The following TTC23 variants were observed in gnomAD, a reference collection of about 807,000 sequenced individuals.
TTC23 encodes the protein tetratricopeptide repeat domain 23, also known as tetratricopeptide repeat protein 23.
TTC23 carries 58 observed loss-of-function variants against 55.1 expected under a neutral mutation model. The ratio of observed to expected loss-of-function variants is 1.05; its 90% confidence interval spans 0.85 to 1.31. TTC23 has a LOEUF of 1.31. Ranked by LOEUF, TTC23 falls within the 50% of genes most tolerant of loss-of-function variation. The pLI is 0.00. For missense variants in TTC23, 516 were observed against 534.4 expected (o/e 0.97, Z 0.34); for synonymous variants, 203 against 199.9 (o/e 1.02, Z -0.13).
At chr15:99,196,546 C>G (rs1431281696) in intron 9 of TTC23, among the ~76,000 whole-genome samples, 1 of 152,194 alleles carries the variant, frequency 6.6e-6, no homozygotes, top group Non-Finnish European at 1.5e-5. Flanking sequence ...GGCCAGAAAC[C>G]TGGGGTAAAG....
chr15:99,163,418 G>A (rs910509981), intron 10 of TTC23, among the ~76,000 whole-genome samples: 2 of 152,188 alleles, frequency 1.3e-5, no homozygotes, highest in South Asian at 2.1e-4. Context: ...TAACAGGAAC[G>A]AACTTCAGAA....
At chr15:99,166,211 G>A (rs572905828) in intron 10 of TTC23, among the ~76,000 whole-genome samples, 5 of 152,294 alleles carry the variant, frequency 3.3e-5, no homozygotes, top group African/African-American at 4.8e-5. Flanking sequence ...TCCCTGGCAC[G>A]GGTGGACACA....
chr15:99,205,856 A>C (rs1044360895), intron 8 of TTC23, among the ~76,000 whole-genome samples: 2 of 152,198 alleles, frequency 1.3e-5, no homozygotes, highest in African/African-American at 4.8e-5. Flanking sequence ...TTGAATAAAA[A>C]TGGTAAAAGT....
At chr15:99,246,860 C>G (rs1393320473) in intron 1 of TTC23, among the ~76,000 whole-genome samples, 4 of 152,130 alleles carry the variant, frequency 2.6e-5, no homozygotes. Flanking sequence ...GTGGACATTG[C>G]AGTGGGCCGA....
intron 9 of TTC23, among the ~76,000 whole-genome samples, chr15:99,189,241 A>G (rs1045205868): frequency 2.6e-5 from 4 of 152,176 alleles, no homozygotes; most frequent in Non-Finnish European, 4.4e-5. Flanking sequence ...AATAACAAAT[A>G]AATAACTTGG....
chr15:99,175,204 C>T (rs1374219687), intron 9 of TTC23, 49 bp from the exon 10 acceptor site: 4 of 1,498,736 alleles, frequency 2.7e-6, no homozygotes, highest in African/African-American at 2.8e-5. Context: ...TTGGCAGCAG[C>T]AGCAGGGAAT....
chr15:99,219,161 C>G, intron 6 of TTC23, 113 bp from the exon 7 acceptor site: 1 of 1,208,414 alleles, frequency 8.3e-7, no homozygotes, highest in East Asian at 2.3e-5. Context: ...TGTCAAATGA[C>G]ACATGGAGAC....
At chr15:99,230,355 A>G (rs1192125406) in intron 4 of TTC23, among the ~76,000 whole-genome samples, 2 of 152,200 alleles carry the variant, frequency 1.3e-5, no homozygotes, top group African/African-American at 4.8e-5. Context: ...AGTGGGCTGT[A>G]AAACAACTTC....
chr15:99,217,163 CT>C (rs5814928), intron 8 of TTC23, among the ~76,000 whole-genome samples: 28 of 147,850 alleles, frequency 1.9e-4, no homozygotes, highest in South Asian at 6.4e-4. Flanking sequence ...TTTTTCTCTT[CT>C]TTTTTTTTTT....
intron 5 of TTC23, among the ~76,000 whole-genome samples, chr15:99,223,420 A>G (rs1327120038): frequency 6.6e-6 from 1 of 152,216 alleles, no homozygotes; most frequent in Admixed American, 6.5e-5. Context: ...AGGGATGGGC[A>G]TGCATATGGA....
chr15:99,247,550 A>C (rs912034513), intron 1 of TTC23, among the ~76,000 whole-genome samples: 2 of 152,244 alleles, frequency 1.3e-5, no homozygotes, highest in Non-Finnish European at 2.9e-5. Flanking sequence ...AATGAGACAT[A>C]CTACAACATG....
intron 5 of TTC23, among the ~76,000 whole-genome samples, chr15:99,226,720 T>C (rs925638400): frequency 6.6e-6 from 1 of 152,150 alleles, no homozygotes; most frequent in African/African-American, 2.4e-5. Flanking sequence ...CTGGAACTCC[T>C]TTCCCTCAGC....
chr15:99,150,328 CA>C (rs1555496220), intron 12 of TTC23, among the ~76,000 whole-genome samples: 1 of 152,168 alleles, frequency 6.6e-6, no homozygotes, highest in Non-Finnish European at 1.5e-5. Context: ...AAAAAAATTC[CA>C]AAGGACAACT....
At chr15:99,221,983 G>T in intron 5 of TTC23, 119 bp from the exon 6 acceptor site, 1 of 1,177,978 alleles carries the variant, frequency 8.5e-7, no homozygotes, top group Non-Finnish European at 1.2e-6. Context: ...GCAAAACATT[G>T]TTCTAAGCAC....
At chr15:99,177,693 C>G (rs74246760) in intron 9 of TTC23, among the ~76,000 whole-genome samples, 14,186 of 152,156 alleles carry the variant, frequency 0.093, 1,011 homozygotes, top group East Asian at 0.29. Context: ...TAGATTAAAA[C>G]CAAAACAAGA....
chr15:99,214,668 A>G (rs2077317191), intron 8 of TTC23, among the ~76,000 whole-genome samples: 1 of 151,882 alleles, frequency 6.6e-6, no homozygotes, highest in Non-Finnish European at 1.5e-5. Flanking sequence ...GGCTCAAGCT[A>G]TTCTTCCACC....
intron 11 of TTC23, chr15:99,159,818 G>A (rs149207594): frequency 6.6e-5 from 10 of 152,392 alleles, no homozygotes; most frequent in African/African-American, 1.9e-4. Flanking sequence ...ATTCTGAGTG[G>A]ATTAGAAGAG....
At chr15:99,212,019 G>A (rs1446861642) in intron 8 of TTC23, among the ~76,000 whole-genome samples, 2 of 152,146 alleles carry the variant, frequency 1.3e-5, no homozygotes, top group African/African-American at 4.8e-5. Flanking sequence ...ATGACACCAT[G>A]GCACACTGCT....
rs558562884 is a variant in TTC23, at chr15:99,230,167, T to G, written c.-20-1435A>C. On this transcript the variant is annotated intron_variant, in intron 4 of 13. Transcript: ENST00000394132. Reference sequence around the variant, plus strand: ...ACAATTACAATAATTGTATTCTATATGTTTAAAAAGTTAAATAAAGACATG... The same window carrying G: ...ACAATTACAATAATTGTATTCTATAGGTTTAAAAAGTTAAATAAAGACATG... Among the ~76,000 whole-genome samples the G allele has an allele frequency of 1.3e-5, 2 of 152,280 alleles. 1 individual carries two copies. Among genetic ancestry groups the G allele is most frequent in the South Asian group, 4.1e-4 (2 of 4,828 alleles).
Sources: allele counts gnomAD v4.1 joint callset (sites outside exome capture counted in the v4.1 genomes callset), GRCh38; gene constraint gnomAD v4.1.1; transcripts MANE v1.5; gene names NCBI Gene and HGNC (gene_info 2026-07-23, HGNC 2026-07-21).